The following MEIS2 variants were observed in gnomAD, a reference collection of about 807,000 sequenced individuals.
MEIS2 encodes the protein homeobox protein Meis2.
Under a neutral mutation model 58.6 loss-of-function variants are expected in MEIS2, and 9 were observed. The ratio of observed to expected loss-of-function variants is 0.15; its 90% CI spans 0.09 to 0.27. MEIS2 has a LOEUF of 0.27. Among genes scored for constraint, MEIS2 ranks in the 10% least tolerant of loss-of-function variants. The pLI is 1.00. For missense variants in MEIS2, 427 were observed against 635.0 expected (o/e 0.67, Z 3.52); for synonymous variants, 221 against 228.4 (o/e 0.97, Z 0.29).
At chr15:37,059,462 G>T (rs888600892) in intron 7 of MEIS2, among the ~76,000 whole-genome samples, 9 of 152,146 alleles carry the variant, frequency 5.9e-5, no homozygotes, top group Admixed American at 5.9e-4. Context: ...AGCAATAGAA[G>T]CTAAGGACAC....
chr15:37,086,053 A>G (rs1309793193), intron 6 of MEIS2, among the ~76,000 whole-genome samples: 1 of 152,194 alleles, frequency 6.6e-6, no homozygotes, highest in African/African-American at 2.4e-5. Context: ...CAACATATTC[A>G]CCTAAGCTAA....
intron 6 of MEIS2, among the ~76,000 whole-genome samples, chr15:37,087,975 G>A (rs991996776): frequency 6.6e-6 from 1 of 152,082 alleles, no homozygotes; most frequent in Non-Finnish European, 1.5e-5. Context: ...CCACATACAA[G>A]TTCTATCTAA....
At chr15:36,922,414 G>T (rs35621288) in intron 9 of MEIS2, among the ~76,000 whole-genome samples, 1,648 of 135,334 alleles carry the variant, frequency 0.012, 16 homozygotes, top group African/African-American at 0.013. Flanking sequence ...AGGTTTTTTT[G>T]TGTGTGTGTT....
chr15:37,025,764 A>T (rs1054295790), intron 8 of MEIS2, among the ~76,000 whole-genome samples: 3 of 152,142 alleles, frequency 2.0e-5, no homozygotes, highest in African/African-American at 7.2e-5. Flanking sequence ...AAAAAAAAAA[A>T]AAAAATCAAA....
intron 8 of MEIS2, among the ~76,000 whole-genome samples, chr15:37,023,082 T>C (rs17436991): frequency 0.047 from 7,192 of 152,308 alleles, 202 homozygotes; most frequent in East Asian, 0.086. Flanking sequence ...ATATGCTGTT[T>C]TCTTGGCATT....
chr15:37,091,700 C>A (rs1305044431), intron 6 of MEIS2, among the ~76,000 whole-genome samples: 1 of 152,108 alleles, frequency 6.6e-6, no homozygotes, highest in African/African-American at 2.4e-5. Context: ...TTTAAACAGC[C>A]TATTTTATCT....
At chr15:36,971,143 G>A (rs891469429) in intron 8 of MEIS2, among the ~76,000 whole-genome samples, 1 of 151,948 alleles carries the variant, frequency 6.6e-6, no homozygotes, top group Non-Finnish European at 1.5e-5. Context: ...CCTGCCTCTG[G>A]CTAGTAACAG....
intron 10 of MEIS2, 69 bp downstream of exon 10, chr15:36,896,559 C>T (rs937251534): frequency 1.5e-5 from 19 of 1,250,968 alleles, no homozygotes; most frequent in Non-Finnish European, 1.8e-5. Flanking sequence ...GATGAGGAAA[C>T]TACTGGAGTA....
Position 37,077,462 on chromosome 15 carries a change from G to A in MEIS2, c.754+6309C>T, listed in dbSNP as rs1360371925. Reference sequence around the variant, plus strand: ...CAAGAAAAATTAATCAGTTGCACAAGCCAGTTGTCAGATTTCACTTCCCTC... The same window carrying A: ...CAAGAAAAATTAATCAGTTGCACAAACCAGTTGTCAGATTTCACTTCCCTC... On this transcript the variant is annotated intron_variant, in intron 7 of 11. Coordinates refer to ENST00000561208, the MANE Select transcript of MEIS2 (RefSeq NM_170675.5). Among the ~76,000 whole-genome samples, 3 of 152,042 alleles carry A rather than the reference G, an allele frequency of 2.0e-5. No homozygotes were observed. In the East Asian group the frequency reaches 5.8e-4, roughly 29 times the overall value.
At chr15:37,024,336 C>T (rs1421486485) in intron 8 of MEIS2, among the ~76,000 whole-genome samples, 4 of 152,160 alleles carry the variant, frequency 2.6e-5, no homozygotes, top group African/African-American at 9.7e-5. Context: ...CACATATAGT[C>T]TTCAAAAAGA....
intron 9 of MEIS2, among the ~76,000 whole-genome samples, chr15:36,941,425 T>C (rs766530922): frequency 3.3e-5 from 5 of 152,156 alleles, no homozygotes; most frequent in Non-Finnish European, 7.4e-5. Context: ...ACCATGACTA[T>C]TTTGCCCACC....
chr15:37,094,942 T>TTAAAAA (rs1894019432), intron 4 of MEIS2: 1 of 82,256 alleles, frequency 1.2e-5, no homozygotes, highest in South Asian at 4.0e-4. Flanking sequence ...TTTTTTTCCT[T>TTAAAAA]AAAAAAAAAA....
chr15:36,915,800 G>A (rs1158701358), intron 9 of MEIS2, among the ~76,000 whole-genome samples: 1 of 152,238 alleles, frequency 6.6e-6, no homozygotes, highest in Non-Finnish European at 1.5e-5. Context: ...GTGGAAGTAT[G>A]TGCTGTACTT....
At chr15:37,078,723 G>A (rs1891793020) in intron 7 of MEIS2, among the ~76,000 whole-genome samples, 2 of 151,418 alleles carry the variant, frequency 1.3e-5, no homozygotes, top group South Asian at 4.2e-4. Context: ...TAAAACATCT[G>A]GGAAAGAAAG....
chr15:36,941,763 C>T (rs1485257330), intron 9 of MEIS2, among the ~76,000 whole-genome samples: 1 of 152,170 alleles, frequency 6.6e-6, no homozygotes, highest in African/African-American at 2.4e-5. Context: ...TTACAAGATA[C>T]TCTTAGTCAA....
At chr15:37,048,157 A>T (rs1255107872) in intron 7 of MEIS2, among the ~76,000 whole-genome samples, 1 of 152,182 alleles carries the variant, frequency 6.6e-6, no homozygotes, top group African/African-American at 2.4e-5. Context: ...TATATAAAAC[A>T]CATTTTTAAC....
intron 8 of MEIS2, among the ~76,000 whole-genome samples, chr15:36,975,597 G>C (rs2059718441): frequency 6.6e-6 from 1 of 151,888 alleles, no homozygotes; most frequent in African/African-American, 2.4e-5. Flanking sequence ...GATGTGCTTA[G>C]GTCACAAAGC....
chr15:36,996,015 ACATATG>A (rs2060503668), intron 8 of MEIS2, among the ~76,000 whole-genome samples: 2 of 122,324 alleles, frequency 1.6e-5, no homozygotes, highest in East Asian at 2.8e-4. Flanking sequence ...ATATATATAT[ACATATG>A]TGTATATATA....
chr15:37,072,215 C>G (rs1890799609), intron 7 of MEIS2, among the ~76,000 whole-genome samples: 1 of 152,058 alleles, frequency 6.6e-6, no homozygotes, highest in South Asian at 2.1e-4. Flanking sequence ...ATCATAAACT[C>G]CTTTTGCTTA....
Sources: allele counts gnomAD v4.1 joint callset (sites outside exome capture counted in the v4.1 genomes callset), GRCh38; gene constraint gnomAD v4.1.1; transcripts MANE v1.5; gene names NCBI Gene and HGNC (gene_info 2026-07-23, HGNC 2026-07-21).